TSGA10: variants seen among roughly 807,000 people sequenced by gnomAD.
The protein encoded by TSGA10 is testis specific 10.
Under a neutral mutation model 96.6 loss-of-function variants are expected in TSGA10, and 43 were observed. That is an observed-to-expected ratio of 0.44 (90% CI 0.35 to 0.57). The LOEUF (loss-of-function observed/expected upper bound fraction) is 0.57, where lower values mean the gene tolerates loss of function less well. Among genes scored for constraint, TSGA10 ranks in the 20% least tolerant of loss-of-function variants. The pLI, the probability that TSGA10 is intolerant of heterozygous loss-of-function variation, is 0.01. For missense variants in TSGA10, 703 were observed against 834.4 expected, an observed-to-expected ratio of 0.84 and a Z score of 1.94; for synonymous variants, 229 against 269.9, an observed-to-expected ratio of 0.85 and a Z score of 1.48.
At chr2:99,033,746 A>G (rs2081350165) in intron 17 of TSGA10, among the ~76,000 whole-genome samples, 1 of 152,012 alleles carries the variant, frequency 6.6e-6, no homozygotes, top group South Asian at 2.1e-4. Flanking sequence ...AGGCTGAGGC[A>G]GGAGAATTGT....
chr2:99,075,602 G>A (rs1558933132), intron 12 of TSGA10, among the ~76,000 whole-genome samples: 1 of 152,120 alleles, frequency 6.6e-6, no homozygotes, highest in African/African-American at 2.4e-5. Context: ...GTTCAGCTCT[G>A]AGGTATCATT....
At chr2:99,031,199 AT>A (rs1265949050) in intron 17 of TSGA10, among the ~76,000 whole-genome samples, 1 of 146,340 alleles carries the variant, frequency 6.8e-6, no homozygotes, top group Non-Finnish European at 1.5e-5. Context: ...TACCCAATTG[AT>A]TTTTCACAAG....
At chr2:99,054,360 C>A (rs554512044) in intron 16 of TSGA10, among the ~76,000 whole-genome samples, 42 of 152,142 alleles carry the variant, frequency 2.8e-4, no homozygotes, top group African/African-American at 9.6e-4. Context: ...ATACAAAAAT[C>A]AACTCTTAAT....
intron 11 of TSGA10, among the ~76,000 whole-genome samples, chr2:99,080,310 C>T (rs2087287362): frequency 6.6e-6 from 1 of 152,110 alleles, no homozygotes; most frequent in Non-Finnish European, 1.5e-5. Flanking sequence ...GACAATTGAT[C>T]ATATCCTCCC....
chr2:98,999,304 A>G (rs1183546585), intron 20 of TSGA10, among the ~76,000 whole-genome samples: 2 of 152,248 alleles, frequency 1.3e-5, no homozygotes, highest in African/African-American at 4.8e-5. Context: ...AACAACCTGG[A>G]TAAATCTGAA....
intron 20 of TSGA10, among the ~76,000 whole-genome samples, chr2:99,000,837 C>T (rs949708159): frequency 3.9e-5 from 6 of 152,182 alleles, no homozygotes; most frequent in Non-Finnish European, 7.3e-5. Flanking sequence ...ATGCATGGCT[C>T]GGTGGGTCCC....
chr2:99,008,223 T>C (rs918396395), intron 20 of TSGA10, among the ~76,000 whole-genome samples: 28 of 151,962 alleles, frequency 1.8e-4, no homozygotes, highest in African/African-American at 6.8e-4. Flanking sequence ...ATAAAAACTT[T>C]ATAGAGAAAA....
At chr2:99,141,227 C>T (rs1574733220) in intron 1 of TSGA10, 1 of 1,050,726 alleles carries the variant, frequency 9.5e-7, no homozygotes, top group Non-Finnish European at 1.2e-6. Context: ...CCTTCCCACC[C>T]CCAAATCGTC....
At chr2:99,033,878 G>A (rs1287358022) in intron 17 of TSGA10, among the ~76,000 whole-genome samples, 1 of 152,110 alleles carries the variant, frequency 6.6e-6, no homozygotes, top group African/African-American at 2.4e-5. Flanking sequence ...TGGGGGCAAC[G>A]AGTGAACACT....
intron 16 of TSGA10, among the ~76,000 whole-genome samples, chr2:99,044,536 A>T (rs1212768075): frequency 6.6e-6 from 1 of 152,146 alleles, no homozygotes; most frequent in African/African-American, 2.4e-5. Flanking sequence ...TCATAAAACA[A>T]GTTCTTAAAG....
intron 1 of TSGA10, chr2:99,148,399 A>C (rs2093653821): frequency 6.6e-6 from 1 of 152,206 alleles, no homozygotes; most frequent in Admixed American, 6.5e-5. Flanking sequence ...GATATTAAAA[A>C]ATTTAGCTAA....
chr2:99,126,992 A>C (rs1313670904), intron 2 of TSGA10, 56 bp downstream of exon 2: 3 of 1,269,718 alleles, frequency 2.4e-6, no homozygotes, highest in East Asian at 5.6e-5. Context: ...TTCTTGTTTC[A>C]AAATAGGCTC....
chr2:98,998,607 C>A (rs1012032362), intron 20 of TSGA10, among the ~76,000 whole-genome samples: 4 of 152,152 alleles, frequency 2.6e-5, no homozygotes, highest in African/African-American at 7.2e-5. Context: ...TATAAATAGG[C>A]ATAATGAGGG....
At chr2:99,032,537 A>G (rs909213974) in intron 17 of TSGA10, among the ~76,000 whole-genome samples, 1 of 152,232 alleles carries the variant, frequency 6.6e-6, no homozygotes, top group South Asian at 2.1e-4. Flanking sequence ...ATTAAAAGAC[A>G]AGACTTTGGA....
intron 20 of TSGA10, among the ~76,000 whole-genome samples, chr2:99,000,705 C>A (rs369466441): frequency 6.6e-6 from 1 of 152,136 alleles, no homozygotes; most frequent in Non-Finnish European, 1.5e-5. Flanking sequence ...GGCAGGGCAT[C>A]GCCTCACCTG....
chr2:99,118,484 T>C (rs1036666790), intron 3 of TSGA10, 67 bp downstream of exon 3: 1 of 475,276 alleles, frequency 2.1e-6, no homozygotes, highest in Middle Eastern at 1.1e-3. Flanking sequence ...TATACATATA[T>C]ATATACGTAT....
chr2:99,069,625 C>T (rs896341525), intron 14 of TSGA10, among the ~76,000 whole-genome samples: 1 of 121,622 alleles, frequency 8.2e-6, no homozygotes, highest in East Asian at 2.1e-4. Flanking sequence ...ATAGTGGGAA[C>T]CCAACTCTAC....
chr2:99,148,200 A>G (rs934555895), intron 1 of TSGA10: 1 of 152,144 alleles, frequency 6.6e-6, no homozygotes, highest in Non-Finnish European at 1.5e-5. Flanking sequence ...TTGTTTCCTC[A>G]TGTTTAGATT....
At chr2:99,120,448 CTGACT>C (rs1388896114) in intron 2 of TSGA10, among the ~76,000 whole-genome samples, 1 of 151,870 alleles carries the variant, frequency 6.6e-6, no homozygotes, top group African/African-American at 2.4e-5. Flanking sequence ...GAAGATGCAC[CTGACT>C]TAAGAAAAAA....
Sources: gnomAD v4.1 joint callset for allele counts (sites outside exome capture counted in the v4.1 genomes callset) on GRCh38, gnomAD v4.1.1 for gene constraint, MANE v1.5 for transcripts, NCBI Gene and HGNC (gene_info 2026-07-23, HGNC 2026-07-21) for gene names.